FKBP6: variants seen among roughly 807,000 people sequenced by gnomAD.
FKBP6 encodes the protein FKBP prolyl isomerase family member 6 (inactive).
In FKBP6, 29 loss-of-function variants were observed where a neutral mutation model predicts 41.7. The observed-to-expected ratio is 0.70, with a 90% CI of 0.52 to 0.95. FKBP6 has a LOEUF of 0.95. Among genes scored for constraint, FKBP6 ranks in the 40% least tolerant of loss-of-function variants. The probability of loss-of-function intolerance (pLI) is 0.00; values close to 1 mark genes in which losing one functional copy is unlikely to be tolerated. For missense variants in FKBP6, 338 were observed against 408.7 expected, an observed-to-expected ratio of 0.83 and a Z score of 1.49; for synonymous variants, 130 against 165.1, an observed-to-expected ratio of 0.79 and a Z score of 1.63.
intron 4 of FKBP6, among the ~76,000 whole-genome samples, chr7:73,330,740 A>G (rs1278803469): frequency 6.6e-6 from 1 of 152,164 alleles, no homozygotes; most frequent in Non-Finnish European, 1.5e-5. Flanking sequence ...AGCACAGGTG[A>G]GAGTAAAAGG....
At chr7:73,351,322 A>C (rs887727069) in intron 8 of FKBP6, among the ~76,000 whole-genome samples, 1 of 151,582 alleles carries the variant, frequency 6.6e-6, no homozygotes, top group East Asian at 1.9e-4. Context: ...GAGCCACCGC[A>C]CCTGGCAATT....
chr7:73,331,519 ATTT>A, intron 4 of FKBP6, 135 bp from the exon 5 acceptor site: 1 of 810,080 alleles, frequency 1.2e-6, no homozygotes, highest in Non-Finnish European at 2.1e-6. Flanking sequence ...TTCAATTACT[ATTT>A]TTTTAAATGG....
chr7:73,333,919 A>G (rs1368717903), intron 5 of FKBP6, among the ~76,000 whole-genome samples: 2 of 152,122 alleles, frequency 1.3e-5, no homozygotes, highest in African/African-American at 4.8e-5. Context: ...TAAAAATACA[A>G]AAATTAGCTG....
At chr7:73,332,856 T>C (rs1554547927) in intron 5 of FKBP6, among the ~76,000 whole-genome samples, 2 of 152,256 alleles carry the variant, frequency 1.3e-5, no homozygotes, top group Non-Finnish European at 2.9e-5. Flanking sequence ...TCTCTGACAG[T>C]GGAGGCTCAT....
intron 8 of FKBP6, among the ~76,000 whole-genome samples, chr7:73,356,813 T>A (rs1010564043): frequency 1.3e-5 from 2 of 152,170 alleles, no homozygotes; most frequent in South Asian, 2.1e-4. Context: ...AGAGTTTCAC[T>A]CTTGTCACCC....
intron 4 of FKBP6, among the ~76,000 whole-genome samples, chr7:73,330,555 T>C (rs577096555): frequency 1.2e-4 from 19 of 152,320 alleles, no homozygotes; most frequent in African/African-American, 4.3e-4. Flanking sequence ...ATAAATGTGC[T>C]GGGCAAGGTA....
rs375820982 is a variant in FKBP6, at chr7:73,329,440, C to A, written c.256C>A (p.Leu86Ile). The A allele has an allele frequency of 1.0e-5, 16 of 1,589,920 alleles. No homozygotes were observed. Among genetic ancestry groups the A allele is most frequent in the South Asian group, 8.8e-5 (8 of 90,632 alleles). The change falls in exon 3 of 9, where the codon CTT becomes ATT. Residue 86 changes from leucine to isoleucine, a missense_variant. This residue lies in a region of FKBP6 where 99 missense variants were observed against 158.6 expected (regional missense o/e 0.62). Transcript: ENST00000252037. Reference sequence around the variant, plus strand: ...TAGGAAAACTCCTCGGCTAATGAAACTTGGAGAGGGTAGGTTCAGAGTGGG... The same window carrying A: ...TAGGAAAACTCCTCGGCTAATGAAAATTGGAGAGGGTAGGTTCAGAGTGGG... ...YFRKTPRLMK[L>I]GEDITLWGME... is the part of the protein sequence containing the mutation.
chr7:73,345,528 A>G (rs782511478), intron 8 of FKBP6, among the ~76,000 whole-genome samples: 3 of 151,902 alleles, frequency 2.0e-5, no homozygotes, highest in Non-Finnish European at 4.4e-5. Flanking sequence ...GGTATGTAGA[A>G]CCCCATGAAT....
chr7:73,347,835 G>A (rs1554550492), intron 8 of FKBP6, among the ~76,000 whole-genome samples: 1 of 152,152 alleles, frequency 6.6e-6, no homozygotes, highest in Non-Finnish European at 1.5e-5. Context: ...TGTTGCGACA[G>A]GGTCTCACCA....
intron 5 of FKBP6, among the ~76,000 whole-genome samples, 185 bp from the exon 6 acceptor site, chr7:73,340,453 G>A (rs1805138558): frequency 6.6e-6 from 1 of 152,124 alleles, no homozygotes; most frequent in Admixed American, 6.6e-5. Flanking sequence ...CCAGCCTGGC[G>A]ACAGAACAAG....
In FKBP6 at chr7:73,340,669, C is replaced by A. The variant is rs1324624200; in HGVS notation, c.620C>A (p.Pro207His). 4 of 1,613,820 alleles carry A rather than the reference C, an allele frequency of 2.5e-6. No homozygotes were observed. The highest frequency in any genetic ancestry group is 3.4e-6 in the Non-Finnish European group (4 of 1,180,004). The change falls in exon 6 of 9, where the codon CCC becomes CAC. Residue 207 changes from proline to histidine, a missense_variant. Transcript: ENST00000252037. ...ALLLLRRRSAPPEEQHLVEAA... is the reference protein window; with the variant it reads ...ALLLLRRRSAHPEEQHLVEAA... ...TTGCTTCTGCGCCGGCGATCAGCAC[C>A]CCCTGAAGAGCAGCACCTGGTGGAG... is the stretch of plus-strand genomic sequence containing the variant.
intron 5 of FKBP6, 81 bp from the exon 6 acceptor site, chr7:73,340,557 A>G: frequency 8.6e-7 from 1 of 1,159,760 alleles, no homozygotes; most frequent in East Asian, 2.4e-5. Flanking sequence ...TTTAGCTCTG[A>G]TAGTTTTTGC....
At chr7:73,348,878 G>A (rs1191601715) in intron 8 of FKBP6, among the ~76,000 whole-genome samples, 1 of 152,202 alleles carries the variant, frequency 6.6e-6, no homozygotes, top group Non-Finnish European at 1.5e-5. Context: ...GCCAAGGTGG[G>A]CAGATCGCTT....
rs1554547709 is a variant in FKBP6 at position 73,331,706 on chromosome 7, C to T, written c.518C>T (p.Thr173Met). The stretch of plus-strand genomic sequence containing the variant: ...CAGAAGGTCCTGAAAGTGGCAGCTA[C>T]GGAACGGGAGTTTGGCAACTACCTT... ...PLQKVLKVAA[T>M]EREFGNYLFR... is the part of the protein sequence containing the mutation. The change falls in exon 5 of 9, where the codon ACG becomes ATG. Residue 173 changes from threonine (T) to methionine (M), a missense_variant. This residue lies in a region of FKBP6 where 239 missense variants were observed against 250.1 expected (regional missense o/e 0.96). Transcript: ENST00000252037. 21 of 1,613,542 alleles carry T rather than the reference C, an allele frequency of 1.3e-5. No individual in the cohort carries two copies. The highest frequency in any genetic ancestry group is 3.3e-5 in the Admixed American group (2 of 59,990).
At position 73,329,460 on chromosome 7, in the gene FKBP6, A is replaced by C. The variant is rs572530474; in HGVS notation, c.265+11A>C. On this transcript the variant is annotated intron_variant, in intron 3 of 8. Transcript: ENST00000252037. ...TGAAACTTGGAGAGGGTAGGTTCAGAGTGGGAGCTGGAGAAGAAGGAATTG... is the reference window on the plus strand; with the variant it reads ...TGAAACTTGGAGAGGGTAGGTTCAGCGTGGGAGCTGGAGAAGAAGGAATTG... 1.6e-5 allele frequency: 24 copies of C among 1,498,176 alleles called. No homozygotes were observed. The South Asian group carries it at 2.6e-4, about 16-fold the overall frequency. 92.8% of individuals were successfully genotyped at this position (1,498,176 alleles called of 1,614,324 possible).
intron 8 of FKBP6, among the ~76,000 whole-genome samples, chr7:73,351,144 A>G (rs1554551072): frequency 6.6e-6 from 1 of 151,788 alleles, no homozygotes; most frequent in African/African-American, 2.4e-5. Context: ...CAGTGGCGCG[A>G]TCTCAGCTCA....
chr7:73,351,845 T>C (rs1554551166), intron 8 of FKBP6, among the ~76,000 whole-genome samples: 1 of 152,236 alleles, frequency 6.6e-6, no homozygotes, highest in African/African-American at 2.4e-5. Context: ...AAGTGCCCTT[T>C]ATGATTCATG....
chr7:73,353,475 C>G (rs1022828356), intron 8 of FKBP6, among the ~76,000 whole-genome samples: 9 of 152,198 alleles, frequency 5.9e-5, no homozygotes, highest in African/African-American at 2.2e-4. Context: ...ATGAGATCAT[C>G]CTGACAGCCG....
intron 8 of FKBP6, among the ~76,000 whole-genome samples, chr7:73,344,826 C>T (rs1424041325): frequency 6.6e-6 from 1 of 152,200 alleles, no homozygotes; most frequent in Non-Finnish European, 1.5e-5. Flanking sequence ...CTCAGGTGGT[C>T]CTCCCGCCTT....
Sources: gnomAD v4.1 joint callset for allele counts (sites outside exome capture counted in the v4.1 genomes callset) on GRCh38, gnomAD v4.1.1 for gene constraint, gnomAD v4.1.1 regional missense constraint, MANE v1.5 for transcripts, NCBI Gene and HGNC (gene_info 2026-07-23, HGNC 2026-07-21) for gene names.